SPIDR: variants seen among roughly 807,000 people sequenced by gnomAD.
SPIDR encodes DNA repair-scaffolding protein.
Under a neutral mutation model 104.6 loss-of-function variants are expected in SPIDR, and 93 were observed. The observed-to-expected ratio is 0.89, with a 90% CI of 0.75 to 1.06. The LOEUF is 1.06. Among genes scored for constraint, SPIDR ranks in the 50% least tolerant of loss-of-function variants. SPIDR has a pLI of 0.00. For synonymous variants in SPIDR, 431 were observed against 416.9 expected, an observed-to-expected ratio of 1.03 and a Z score of -0.41; for missense variants, 1,154 against 1,111.2, an observed-to-expected ratio of 1.04 and a Z score of -0.55.
rs1219065373 is a variant in SPIDR, at chr8:47,656,242, CA to C, written c.1545-17553del. Among the ~76,000 whole-genome samples the C allele has an allele frequency of 2.6e-5, 4 of 152,034 alleles. No homozygotes were observed. The South Asian group carries it at 8.3e-4, about 31-fold the overall frequency. ...ATCGAAATTAAAAACTTTAACGTCT[CA>C]AAAAACAAATTTGCAAATCACTAGT... On this transcript the variant is annotated intron_variant, in intron 10 of 19. Transcript: ENST00000297423.
chr8:47,406,936 AAT>A (rs1251144293), intron 6 of SPIDR, among the ~76,000 whole-genome samples: 1 of 152,218 alleles, frequency 6.6e-6, no homozygotes, highest in Non-Finnish European at 1.5e-5. Context: ...TGAAATGATT[AAT>A]GAATTGGTAA....
intron 8 of SPIDR, among the ~76,000 whole-genome samples, chr8:47,595,572 C>A (rs1019606122): frequency 6.6e-6 from 1 of 152,218 alleles, no homozygotes; most frequent in African/African-American, 2.4e-5. Flanking sequence ...CAAGGGAGCC[C>A]AAGCCCAGGG....
intron 5 of SPIDR, among the ~76,000 whole-genome samples, chr8:47,305,306 G>A (rs1192371039): frequency 1.3e-5 from 2 of 152,212 alleles, no homozygotes; most frequent in African/African-American, 2.4e-5. Flanking sequence ...GTAAAGTAAT[G>A]TGAGTGAGAC....
At chr8:47,293,606 C>T (rs2040328709) in intron 4 of SPIDR, among the ~76,000 whole-genome samples, 1 of 152,024 alleles carries the variant, frequency 6.6e-6, no homozygotes. Flanking sequence ...GCCACCGTGT[C>T]CAGCTAATTT....
At chr8:47,495,881 C>T (rs1332999614) in intron 8 of SPIDR, among the ~76,000 whole-genome samples, 1 of 152,098 alleles carries the variant, frequency 6.6e-6, no homozygotes, top group Non-Finnish European at 1.5e-5. Flanking sequence ...ATTTATATTT[C>T]TGTCCTTATG....
chr8:47,402,366 G>A (rs538054641), intron 6 of SPIDR, among the ~76,000 whole-genome samples: 1 of 152,310 alleles, frequency 6.6e-6, no homozygotes, highest in South Asian at 2.1e-4. Flanking sequence ...GAGCAGAACT[G>A]AAGGAGATAG....
chr8:47,329,542 T>G (rs1446964546), intron 5 of SPIDR, among the ~76,000 whole-genome samples: 1 of 152,152 alleles, frequency 6.6e-6, no homozygotes, highest in African/African-American at 2.4e-5. Context: ...CATGGGTTGC[T>G]TTAGTGCTTA....
At chr8:47,677,459 T>C (rs2076588552) in intron 11 of SPIDR, among the ~76,000 whole-genome samples, 1 of 152,254 alleles carries the variant, frequency 6.6e-6, no homozygotes, top group South Asian at 2.1e-4. Flanking sequence ...CTGGTATTTA[T>C]TTCCCAACTT....
At chr8:47,630,156 G>A (rs914030350) in intron 10 of SPIDR, among the ~76,000 whole-genome samples, 2 of 152,040 alleles carry the variant, frequency 1.3e-5, no homozygotes, top group Non-Finnish European at 1.5e-5. Flanking sequence ...AATAATACAC[G>A]TAGCAAATTG....
Position 47,595,891 on chromosome 8 carries a change from A to T in SPIDR, c.1178A>T (p.Asp393Val). ...TGTGAGAAAGTTGTTGCCAAAGAAG[A>T]TTCAGAAAAAACTTGTGAAGTGTAC... Reference protein sequence around the residue: ...YFCEKVVAKEDSEKTCEVYCP... With the variant: ...YFCEKVVAKEVSEKTCEVYCP... The change falls in exon 9 of 20, where the codon GAT becomes GTT. Residue 393 changes from aspartate (D) to valine (V), a missense_variant. Physicochemically the swap from Asp to Val is radical, Grantham distance 152. Transcript: ENST00000297423. The T allele has an allele frequency of 6.2e-7, 1 of 1,614,234 alleles. No homozygotes were observed. Among genetic ancestry groups the T allele is most frequent in the Non-Finnish European group, 8.5e-7 (1 of 1,180,028 alleles).
At chr8:47,400,268 G>A (rs1457709168) in intron 6 of SPIDR, among the ~76,000 whole-genome samples, 3 of 152,204 alleles carry the variant, frequency 2.0e-5, no homozygotes, top group African/African-American at 7.2e-5. Context: ...AGAAGGTGGA[G>A]GGGACGTTCC....
intron 8 of SPIDR, among the ~76,000 whole-genome samples, chr8:47,545,223 C>T (rs555213449): frequency 2.0e-5 from 3 of 150,312 alleles, no homozygotes; most frequent in African/African-American, 7.3e-5. Flanking sequence ...TGGGTTCAAG[C>T]GATTTCCAGC....
At chr8:47,336,046 T>C (rs2049670458) in intron 5 of SPIDR, among the ~76,000 whole-genome samples, 1 of 152,220 alleles carries the variant, frequency 6.6e-6, no homozygotes, top group Admixed American at 6.5e-5. Flanking sequence ...ATATTTCTAA[T>C]GTCCCTTTTT....
chr8:47,358,264 GT>G (rs2054979328), intron 5 of SPIDR, among the ~76,000 whole-genome samples: 1 of 151,830 alleles, frequency 6.6e-6, no homozygotes, highest in South Asian at 2.1e-4. Flanking sequence ...TTTATAAAAA[GT>G]TTTATAGAGA....
At chr8:47,317,933 C>T (rs1286573062) in intron 5 of SPIDR, among the ~76,000 whole-genome samples, 1 of 152,218 alleles carries the variant, frequency 6.6e-6, no homozygotes, top group African/African-American at 2.4e-5. Flanking sequence ...CACTCCAAAA[C>T]CCCATCTGTA....
chr8:47,537,528 TA>T (rs1483260999), intron 8 of SPIDR, among the ~76,000 whole-genome samples: 2 of 152,104 alleles, frequency 1.3e-5, no homozygotes, highest in African/African-American at 4.8e-5. Flanking sequence ...ATGGAAATAG[TA>T]AAAAGATCCA....
At chr8:47,539,633 C>T (rs2087708168) in intron 8 of SPIDR, among the ~76,000 whole-genome samples, 1 of 151,954 alleles carries the variant, frequency 6.6e-6, no homozygotes, top group Non-Finnish European at 1.5e-5. Context: ...TTCTAATCCA[C>T]TCATGTAAAT....
chr8:47,655,898 A>G (rs1186621375), intron 10 of SPIDR, among the ~76,000 whole-genome samples: 1 of 152,200 alleles, frequency 6.6e-6, no homozygotes, highest in African/African-American at 2.4e-5. Context: ...ATGTTCTTAA[A>G]AAGGCATAAT....
intron 1 of SPIDR, among the ~76,000 whole-genome samples, chr8:47,262,260 C>G (rs1398722134): frequency 3.3e-5 from 5 of 152,128 alleles, no homozygotes; most frequent in Non-Finnish European, 7.3e-5. Flanking sequence ...ACTTAGAAAT[C>G]TTAGTATTTT....
Sources: allele counts gnomAD v4.1 joint callset (sites outside exome capture counted in the v4.1 genomes callset), GRCh38; gene constraint gnomAD v4.1.1; transcripts MANE v1.5; gene names NCBI Gene and HGNC (gene_info 2026-07-23, HGNC 2026-07-21).